Variants in TENM3 observed in about 807,000 individuals in gnomAD.
The protein encoded by TENM3 is teneurin-3.
In TENM3, 63 loss-of-function variants were observed where a neutral mutation model predicts 255.1. That is an observed-to-expected ratio of 0.25 (90% CI 0.20 to 0.30). The LOEUF (loss-of-function observed/expected upper bound fraction) is 0.30, where lower values mean the gene tolerates loss of function less well. Among genes scored for constraint, TENM3 ranks in the 10% least tolerant of loss-of-function variants. The pLI, the probability that TENM3 is intolerant of heterozygous loss-of-function variation, is 1.00. For missense variants in TENM3, 2,929 were observed against 3,461.1 expected (o/e 0.85, Z 3.86); for synonymous variants, 1,306 against 1,322.3 (o/e 0.99, Z 0.27).
intron 13 of TENM3, among the ~76,000 whole-genome samples, chr4:182,715,539 C>G (rs1759088562): frequency 6.6e-6 from 1 of 152,230 alleles, no homozygotes; most frequent in Non-Finnish European, 1.5e-5. Flanking sequence ...TTGCCAGGCA[C>G]AGAGCCTGCT....
At chr4:182,524,648 G>A (rs1012675845) in intron 3 of TENM3, among the ~76,000 whole-genome samples, 13 of 151,572 alleles carry the variant, frequency 8.6e-5, no homozygotes, top group South Asian at 6.3e-4. Context: ...GACTTGAACC[G>A]TCACACCCGA....
the TENM3 span, among the ~76,000 whole-genome samples, chr4:182,052,775 T>C: frequency 6.6e-6 from 1 of 151,944 alleles, no homozygotes; most frequent in Non-Finnish European, 1.5e-5. Context: ...GCATTGGGAG[T>C]AAAGTGTTTC....
At chr4:181,914,697 G>T in the TENM3 span, among the ~76,000 whole-genome samples, 1 of 152,164 alleles carries the variant, frequency 6.6e-6, no homozygotes, top group South Asian at 2.1e-4. Flanking sequence ...GATGGCTAAC[G>T]CTGAGAGAGG....
At chr4:182,563,843 A>G (rs1441286745) in intron 3 of TENM3, among the ~76,000 whole-genome samples, 1 of 152,202 alleles carries the variant, frequency 6.6e-6, no homozygotes, top group Non-Finnish European at 1.5e-5. Flanking sequence ...TTGATTAGAA[A>G]CCATTTTCAA....
At chr4:182,109,250 A>G in the TENM3 span, among the ~76,000 whole-genome samples, 2 of 148,446 alleles carry the variant, frequency 1.3e-5, no homozygotes, top group African/African-American at 4.9e-5. Flanking sequence ...TTTACTCTAT[A>G]TAACATATTC....
At chr4:182,702,447 T>G (rs184291671) in intron 12 of TENM3, among the ~76,000 whole-genome samples, 4 of 152,298 alleles carry the variant, frequency 2.6e-5, no homozygotes, top group Admixed American at 6.5e-5. Flanking sequence ...TTTCTTTTCT[T>G]CATAGTCACT....
chr4:181,481,072 T>C, the TENM3 span, among the ~76,000 whole-genome samples: 1 of 151,844 alleles, frequency 6.6e-6, no homozygotes, highest in Non-Finnish European at 1.5e-5. Context: ...AAAAGTTGAA[T>C]GAAAGTATAC....
At chr4:181,958,799 A>G in the TENM3 span, among the ~76,000 whole-genome samples, 1 of 152,198 alleles carries the variant, frequency 6.6e-6, no homozygotes, top group Non-Finnish European at 1.5e-5. Flanking sequence ...TCAGTATCAT[A>G]TTCTCAGAAT....
At chr4:182,506,974 A>G (rs751388821) in intron 3 of TENM3, among the ~76,000 whole-genome samples, 23 of 152,172 alleles carry the variant, frequency 1.5e-4, no homozygotes, top group Non-Finnish European at 2.5e-4. Context: ...CATACTATGG[A>G]ACATCTTTAT....
chr4:182,521,286 T>C (rs1330055931), intron 3 of TENM3, among the ~76,000 whole-genome samples: 1 of 152,248 alleles, frequency 6.6e-6, no homozygotes, highest in East Asian at 1.9e-4. Context: ...TATCCCATCT[T>C]ATCCTTTCAT....
At chr4:182,734,561 T>C (rs1232581634) in intron 16 of TENM3, among the ~76,000 whole-genome samples, 5 of 152,100 alleles carry the variant, frequency 3.3e-5, no homozygotes. Flanking sequence ...GCAATCACAA[T>C]GGTAGTGGAA....
chr4:181,552,690 T>C, the TENM3 span, among the ~76,000 whole-genome samples: 1 of 152,212 alleles, frequency 6.6e-6, no homozygotes, highest in African/African-American at 2.4e-5. Flanking sequence ...TATGTTCTTC[T>C]GGGTGGTTGA....
At chr4:181,900,682 C>A in the TENM3 span, among the ~76,000 whole-genome samples, 2 of 152,154 alleles carry the variant, frequency 1.3e-5, no homozygotes, top group Non-Finnish European at 2.9e-5. Context: ...TTAATTGGGC[C>A]TCTGCTCTGT....
chr4:182,139,997 AAC>A (rs1361135673), upstream of TENM3, among the ~76,000 whole-genome samples: 1 of 152,254 alleles, frequency 6.6e-6, no homozygotes, highest in African/African-American at 2.4e-5. Flanking sequence ...TTCCTCTACA[AAC>A]AGTCATTGAA....
the TENM3 span, among the ~76,000 whole-genome samples, chr4:181,633,320 G>T: frequency 3.3e-5 from 5 of 152,084 alleles, no homozygotes; most frequent in African/African-American, 1.2e-4. Context: ...TGAAAGGGAG[G>T]GTAGATAATT....
chr4:181,935,217 G>C, the TENM3 span, among the ~76,000 whole-genome samples: 2 of 152,210 alleles, frequency 1.3e-5, no homozygotes, highest in Non-Finnish European at 2.9e-5. Flanking sequence ...ATTTGTGATT[G>C]TTTTCAAAAG....
intron 2 of TENM3, among the ~76,000 whole-genome samples, chr4:182,339,142 T>G (rs1345648218): frequency 6.6e-6 from 1 of 152,232 alleles, no homozygotes; most frequent in African/African-American, 2.4e-5. Context: ...TTGTGAGAAT[T>G]GAGTTTTATG....
intron 25 of TENM3, among the ~76,000 whole-genome samples, chr4:182,791,650 A>G (rs922061713): frequency 1.2e-4 from 18 of 152,302 alleles, no homozygotes; most frequent in Admixed American, 9.2e-4. Context: ...CTGTATGTGT[A>G]TATATAATAT....
At chr4:181,525,722 T>C in the TENM3 span, among the ~76,000 whole-genome samples, 1 of 152,222 alleles carries the variant, frequency 6.6e-6, no homozygotes, top group Non-Finnish European at 1.5e-5. Context: ...GACCAGCTTA[T>C]TGAATACAAA....
Sources: allele counts gnomAD v4.1 joint callset (sites outside exome capture counted in the v4.1 genomes callset), GRCh38; gene constraint gnomAD v4.1.1; transcripts MANE v1.5; gene names NCBI Gene and HGNC (gene_info 2026-07-23, HGNC 2026-07-21).